Variants in GLRA3 observed in about 807,000 individuals in gnomAD.
The protein encoded by GLRA3 is glycine receptor subunit alpha-3.
Under a neutral mutation model 60.4 loss-of-function variants are expected in GLRA3, and 44 were observed. The observed-to-expected ratio is 0.73, with a 90% confidence interval of 0.57 to 0.94. GLRA3 has a LOEUF of 0.94. Ranked by LOEUF, GLRA3 falls within the 40% of genes least tolerant of loss-of-function variation. The pLI is 0.00. For synonymous variants in GLRA3, 223 were observed against 192.9 expected, an observed-to-expected ratio of 1.16 and a Z score of -1.29; for missense variants, 508 against 564.6, an observed-to-expected ratio of 0.90 and a Z score of 1.02.
chr4:174,814,028 G>A (rs768637205), intron 1 of GLRA3, among the ~76,000 whole-genome samples: 1 of 152,138 alleles, frequency 6.6e-6, no homozygotes, highest in Admixed American at 6.6e-5. Context: ...GCTGGCAGGA[G>A]TAGAACTCTG....
intron 1 of GLRA3, among the ~76,000 whole-genome samples, chr4:174,797,687 C>G (rs899661656): frequency 6.6e-6 from 1 of 152,088 alleles, no homozygotes; most frequent in Non-Finnish European, 1.5e-5. Flanking sequence ...GTAATCCCAG[C>G]ACCGGGCGGC....
At chr4:174,646,260 G>C (rs1732807425) in intron 9 of GLRA3, among the ~76,000 whole-genome samples, 1 of 152,150 alleles carries the variant, frequency 6.6e-6, no homozygotes, top group Non-Finnish European at 1.5e-5. Context: ...AAAATCTTTA[G>C]AGACCTTAGC....
rs2110818234 is a variant in GLRA3, at chr4:174,637,854, A to C, written c.*5932T>G. ...AGTTACTGAAAATAATATACATAGAAATTTTCATCAATTTCTATTTATCTA... is the reference window on the plus strand; with the variant it reads ...AGTTACTGAAAATAATATACATAGACATTTTCATCAATTTCTATTTATCTA... On this transcript the variant is annotated 3_prime_UTR_variant, in exon 10 of 10. Coordinates refer to ENST00000274093, the MANE Select transcript of GLRA3 (RefSeq NM_006529.4). The C allele has an allele frequency of 6.6e-6, 1 of 152,258 alleles. No homozygotes were observed. The highest frequency in any genetic ancestry group is 2.4e-5 in the African/African-American group (1 of 41,566). The allele number at this position is 152,258 out of a possible 1,614,324, so 9.4% of individuals were successfully genotyped here. A position where few individuals can be genotyped will look rare whatever the true frequency, so the allele number is the denominator to read the frequency against.
chr4:174,685,440 A>C (rs1250091319), intron 5 of GLRA3, among the ~76,000 whole-genome samples: 2 of 152,182 alleles, frequency 1.3e-5, no homozygotes, highest in Non-Finnish European at 2.9e-5. Context: ...AAGTATCATC[A>C]GTGTGACGGC....
intron 3 of GLRA3, among the ~76,000 whole-genome samples, chr4:174,744,546 T>A (rs1371680904): frequency 3.9e-5 from 6 of 152,202 alleles, no homozygotes; most frequent in Non-Finnish European, 8.8e-5. Context: ...ATACCACCAA[T>A]GCTGTTTATA....
chr4:174,693,404 T>C (rs566364894), intron 5 of GLRA3, among the ~76,000 whole-genome samples: 2 of 152,330 alleles, frequency 1.3e-5, no homozygotes, highest in South Asian at 4.1e-4. Context: ...GCACCATTTA[T>C]TGAATAGGGA....
intron 5 of GLRA3, among the ~76,000 whole-genome samples, chr4:174,685,999 C>T (rs1409518459): frequency 1.3e-5 from 2 of 152,134 alleles, no homozygotes; most frequent in Non-Finnish European, 2.9e-5. Flanking sequence ...TATTTAGTGG[C>T]TAATACAATT....
rs766290692 is a variant in GLRA3 at position 174,642,315 on chromosome 4, C to T, written c.*1471G>A. On this transcript the variant is annotated 3_prime_UTR_variant, in exon 10 of 10. Transcript: ENST00000274093. ...AAGAACTGGCTTTTCTATTGTACAT[C>T]TGAGTTCATTGTTTTCTTAATCTTT... 87 of 950,694 alleles carry T rather than the reference C, an allele frequency of 9.2e-5. No individual in the cohort carries two copies. Among genetic ancestry groups the T allele is most frequent in the Non-Finnish European group, 1.0e-4 (84 of 813,058 alleles). The allele number at this position is 950,694 out of a possible 1,614,324, so 58.9% of individuals were successfully genotyped here. A position where few individuals can be genotyped will look rare whatever the true frequency, so the allele number is the denominator to read the frequency against.
At chr4:174,824,261 C>T (rs914289328) in intron 1 of GLRA3, among the ~76,000 whole-genome samples, 3 of 152,172 alleles carry the variant, frequency 2.0e-5, no homozygotes, top group Non-Finnish European at 4.4e-5. Context: ...TGGTTTCCAA[C>T]TTCTAAAACA....
chr4:174,645,800 C>G (rs541934719), intron 9 of GLRA3, among the ~76,000 whole-genome samples: 2 of 152,242 alleles, frequency 1.3e-5, no homozygotes, highest in East Asian at 3.9e-4. Flanking sequence ...TTTAGACTAC[C>G]ATTTCTTTGG....
intron 4 of GLRA3, among the ~76,000 whole-genome samples, chr4:174,728,122 C>T (rs1736391385): frequency 6.6e-6 from 1 of 152,108 alleles, no homozygotes; most frequent in African/African-American, 2.4e-5. Context: ...CATTTCTTAA[C>T]CTGTAAATAT....
chr4:174,688,367 A>G (rs1476953743), intron 5 of GLRA3, among the ~76,000 whole-genome samples: 14 of 94,946 alleles, frequency 1.5e-4, no homozygotes, highest in Non-Finnish European at 6.2e-5. Flanking sequence ...ATATATATAT[A>G]TTCATCAGGT....
Position 174,643,469 on chromosome 4 carries a change from G to A in GLRA3, c.*317C>T, listed in dbSNP as rs1039889706. The stretch of plus-strand genomic sequence containing the variant: ...CAAGGAATTTCAAAGTAGTTTTCAT[G>A]TCTACTATTATGAGATATTATATAA... On this transcript the variant is annotated 3_prime_UTR_variant, in exon 10 of 10. Coordinates refer to ENST00000274093, the MANE Select transcript of GLRA3 (RefSeq NM_006529.4). The A allele has an allele frequency of 2.2e-6, 2 of 895,660 alleles. No homozygotes were observed. Among genetic ancestry groups the A allele is most frequent in the Non-Finnish European group, 2.5e-6 (2 of 787,386 alleles). The allele number at this position is 895,660 out of a possible 1,614,324, so 55.5% of individuals were successfully genotyped here.
At chr4:174,692,947 T>G (rs201806454) in intron 5 of GLRA3, among the ~76,000 whole-genome samples, 603 of 142,528 alleles carry the variant, frequency 4.2e-3, no homozygotes, top group African/African-American at 0.013. Flanking sequence ...AAAAAAAAAA[T>G]AAAAAAAAAA....
chr4:174,799,107 T>C (rs1358427979), intron 1 of GLRA3, among the ~76,000 whole-genome samples: 1 of 152,172 alleles, frequency 6.6e-6, no homozygotes, highest in Non-Finnish European at 1.5e-5. Flanking sequence ...TTTTAATTTT[T>C]CGCAGATAAA....
chr4:174,766,668 G>A, intron 3 of GLRA3, among the ~76,000 whole-genome samples: 1 of 151,914 alleles, frequency 6.6e-6, no homozygotes, highest in South Asian at 2.1e-4. Context: ...GGATATTAAA[G>A]ATTATTGGAA....
At chr4:174,681,983 A>T (rs1188403722) in intron 6 of GLRA3, among the ~76,000 whole-genome samples, 3 of 152,182 alleles carry the variant, frequency 2.0e-5, no homozygotes, top group Non-Finnish European at 4.4e-5. Flanking sequence ...GAGACTAGGG[A>T]CTTTGAATAG....
intron 3 of GLRA3, among the ~76,000 whole-genome samples, chr4:174,747,637 C>T (rs553299396): frequency 2.6e-5 from 4 of 152,076 alleles, no homozygotes; most frequent in African/African-American, 9.6e-5. Context: ...GAAATATTTG[C>T]GGGGTAGAAT....
At chr4:174,792,311 T>G (rs1464478955) in intron 1 of GLRA3, among the ~76,000 whole-genome samples, 1 of 152,182 alleles carries the variant, frequency 6.6e-6, no homozygotes, top group East Asian at 1.9e-4. Flanking sequence ...CCCTCCCTTG[T>G]TGGCTTGTAG....
Sources: allele counts gnomAD v4.1 joint callset (sites outside exome capture counted in the v4.1 genomes callset), GRCh38; gene constraint gnomAD v4.1.1; transcripts MANE v1.5; gene names NCBI Gene and HGNC (gene_info 2026-07-23, HGNC 2026-07-21).